MLLT10: variants seen among roughly 807,000 people sequenced by gnomAD.
The protein encoded by MLLT10 is MLLT10 histone lysine methyltransferase DOT1L cofactor.
A neutral mutation model predicts 129.1 loss-of-function variants in MLLT10; 30 were observed. The observed-to-expected ratio is 0.23, with a 90% CI of 0.17 to 0.32. MLLT10 has a LOEUF of 0.32. Among genes scored for constraint, MLLT10 ranks in the 10% least tolerant of loss-of-function variants. The pLI is 1.00. For missense variants in MLLT10, 1,119 were observed against 1,268.3 expected, an observed-to-expected ratio of 0.88 and a Z score of 1.79; for synonymous variants, 490 against 446.4, an observed-to-expected ratio of 1.10 and a Z score of -1.23.
At chr10:21,695,026 C>T (rs1368671434) in intron 13 of MLLT10, among the ~76,000 whole-genome samples, 2 of 150,464 alleles carry the variant, frequency 1.3e-5, no homozygotes, top group African/African-American at 2.4e-5. Flanking sequence ...CTCTCACTTT[C>T]TCTTCTGCCG....
intron 11 of MLLT10, among the ~76,000 whole-genome samples, chr10:21,678,076 A>G (rs367693014): frequency 8.5e-5 from 13 of 152,270 alleles, no homozygotes; most frequent in East Asian, 7.7e-4. Flanking sequence ...GCTGTAAGAC[A>G]TATTACTTTA....
chr10:21,641,816 T>C (rs1021795615), intron 8 of MLLT10, among the ~76,000 whole-genome samples: 4 of 152,240 alleles, frequency 2.6e-5, no homozygotes, highest in Non-Finnish European at 4.4e-5. Context: ...TCAGAGTGGC[T>C]GAAGCAATTG....
intron 9 of MLLT10, among the ~76,000 whole-genome samples, chr10:21,658,427 T>C (rs2049828223): frequency 6.6e-6 from 1 of 152,248 alleles, no homozygotes; most frequent in African/African-American, 2.4e-5. Flanking sequence ...TCTTGTTGTA[T>C]GTTTTAATAG....
chr10:21,575,919 G>GTTGT (rs747849114), intron 3 of MLLT10, among the ~76,000 whole-genome samples: 3 of 151,320 alleles, frequency 2.0e-5, no homozygotes, highest in African/African-American at 4.9e-5. Flanking sequence ...TTTTTTTCTT[G>GTTGT]TTGTTTGTTT....
intron 11 of MLLT10, among the ~76,000 whole-genome samples, chr10:21,676,280 G>C (rs2052091063): frequency 6.6e-6 from 1 of 151,984 alleles, no homozygotes; most frequent in Non-Finnish European, 1.5e-5. Flanking sequence ...AGCCCGGCAT[G>C]GTGGCGGGTG....
At chr10:21,680,955 C>CAA (rs778792281) in intron 11 of MLLT10, among the ~76,000 whole-genome samples, 4 of 121,516 alleles carry the variant, frequency 3.3e-5, no homozygotes, top group Non-Finnish European at 7.1e-5. Context: ...GACTTTGTCT[C>CAA]AAAAAAAAAA....
chr10:21,570,723 A>G (rs548236636), intron 3 of MLLT10, among the ~76,000 whole-genome samples: 1 of 151,970 alleles, frequency 6.6e-6, no homozygotes, highest in Non-Finnish European at 1.5e-5. Context: ...TTTACTTAAT[A>G]TATTTGTTTC....
At chr10:21,734,170 G>C in intron 20 of MLLT10, 41 bp downstream of exon 20, 2 of 1,546,296 alleles carry the variant, frequency 1.3e-6, no homozygotes, top group Non-Finnish European at 1.7e-6. Flanking sequence ...TAGTATAACA[G>C]AGTACCGGTG....
At chr10:21,609,663 G>GT (rs2044401799) in intron 5 of MLLT10, among the ~76,000 whole-genome samples, 1 of 152,236 alleles carries the variant, frequency 6.6e-6, no homozygotes, top group East Asian at 1.9e-4. Flanking sequence ...CTGTTCAGTT[G>GT]TTGTACTTGT....
chr10:21,733,814 C>A lies in MLLT10; in HGVS notation c.2543C>A (p.Ser848Tyr). The change falls in exon 20 of 23, where the codon TCT becomes TAT. Residue 848 changes from serine (S) to tyrosine (Y), a missense_variant. By Grantham distance (144) the Ser-to-Tyr change is moderately radical. Coordinates refer to ENST00000307729, the MANE Select transcript of MLLT10 (RefSeq NM_001195626.3). ...AGTACCAGCAGCTCATCAGCTCTTTCTACCCCACCTCCTGCTGGGCAGAGT... is the reference window on the plus strand; with the variant it reads ...AGTACCAGCAGCTCATCAGCTCTTTATACCCCACCTCCTGCTGGGCAGAGT... ...GQSTSSSSALSTPPPAGQSPA... is the reference protein window; with the variant it reads ...GQSTSSSSALYTPPPAGQSPA... The A allele has an allele frequency of 6.2e-7, 1 of 1,614,128 alleles. No individual in the cohort carries two copies. The highest frequency in any genetic ancestry group is 1.3e-5 in the African/African-American group (1 of 75,036).
At chr10:21,726,401 C>T (rs1564728961) in intron 15 of MLLT10, 46 bp downstream of exon 15, 2 of 1,370,478 alleles carry the variant, frequency 1.5e-6, no homozygotes, top group Non-Finnish European at 2.1e-6. Context: ...CTCTCACCTA[C>T]TTTAATTTTT....
chr10:21,624,069 G>A (rs1245076949), intron 8 of MLLT10, among the ~76,000 whole-genome samples: 4 of 152,130 alleles, frequency 2.6e-5, no homozygotes, highest in Admixed American at 2.0e-4. Flanking sequence ...ATGGTGTGAA[G>A]TTATAACAAT....
intron 8 of MLLT10, chr10:21,626,300 G>T: frequency 1.6e-6 from 2 of 1,228,088 alleles, no homozygotes; most frequent in Non-Finnish European, 2.4e-6. Flanking sequence ...GCAGAGCAGG[G>T]GCTGGTGGCT....
chr10:21,636,795 A>G (rs1213952912), intron 8 of MLLT10, among the ~76,000 whole-genome samples: 1 of 152,052 alleles, frequency 6.6e-6, no homozygotes, highest in Non-Finnish European at 1.5e-5. Flanking sequence ...GGTGTGAGGT[A>G]GTAGAAGAAA....
At chr10:21,559,031 C>A (rs575932856) in intron 3 of MLLT10, among the ~76,000 whole-genome samples, 3 of 152,212 alleles carry the variant, frequency 2.0e-5, no homozygotes, top group African/African-American at 7.2e-5. Context: ...AAAAATGTTG[C>A]TAGTGTTTTG....
chr10:21,635,913 G>A (rs1316937194), intron 8 of MLLT10, among the ~76,000 whole-genome samples: 2 of 145,796 alleles, frequency 1.4e-5, no homozygotes, highest in South Asian at 2.2e-4. Flanking sequence ...AGCGTGAGCC[G>A]CTGCACCTGG....
At chr10:21,606,629 A>G (rs1279936300) in intron 5 of MLLT10, among the ~76,000 whole-genome samples, 2 of 152,234 alleles carry the variant, frequency 1.3e-5, no homozygotes, top group East Asian at 1.9e-4. Flanking sequence ...GTGGTGGCCA[A>G]TAGCAAGAGA....
chr10:21,574,635 C>T (rs950894791), intron 3 of MLLT10, among the ~76,000 whole-genome samples: 3 of 152,104 alleles, frequency 2.0e-5, no homozygotes, highest in Non-Finnish European at 4.4e-5. Context: ...GTGGATTATT[C>T]ATGAGTTTTC....
chr10:21,711,173 A>G (rs2056046465), intron 13 of MLLT10, among the ~76,000 whole-genome samples: 1 of 152,338 alleles, frequency 6.6e-6, no homozygotes, highest in African/African-American at 2.4e-5. Flanking sequence ...CTGTAATCCC[A>G]GCACTTTGGG....
Sources: allele counts gnomAD v4.1 joint callset (sites outside exome capture counted in the v4.1 genomes callset), GRCh38; gene constraint gnomAD v4.1.1; transcripts MANE v1.5; gene names NCBI Gene and HGNC (gene_info 2026-07-23, HGNC 2026-07-21).